OSBPL9: variants seen among roughly 807,000 people sequenced by gnomAD.
OSBPL9 encodes oxysterol-binding protein-related protein 9.
A neutral mutation model predicts 106.6 loss-of-function variants in OSBPL9; 40 were observed. The observed-to-expected ratio is 0.38, with a 90% CI of 0.29 to 0.49. OSBPL9 has a LOEUF of 0.49. Among genes scored for constraint, OSBPL9 ranks in the 20% least tolerant of loss-of-function variants. The pLI is 0.97. For synonymous variants in OSBPL9, 269 were observed against 295.4 expected, an observed-to-expected ratio of 0.91 and a Z score of 0.92; for missense variants, 609 against 887.2, an observed-to-expected ratio of 0.69 and a Z score of 3.98.
At chr1:51,666,632 T>C (rs545874131) in intron 2 of OSBPL9, among the ~76,000 whole-genome samples, 1 of 152,310 alleles carries the variant, frequency 6.6e-6, no homozygotes, top group East Asian at 1.9e-4. Context: ...GACTAGTTAA[T>C]GCTGCCAGCT....
the OSBPL9 span, chr1:51,519,135 G>A: frequency 2.5e-6 from 3 of 1,198,660 alleles, no homozygotes; most frequent in Admixed American, 3.1e-5. Flanking sequence ...AGTCGGCGAA[G>A]CTGAGGGCGG....
chr1:51,672,855 G>A (rs1045673939), intron 3 of OSBPL9, among the ~76,000 whole-genome samples: 1 of 152,178 alleles, frequency 6.6e-6, no homozygotes, highest in Non-Finnish European at 1.5e-5. Flanking sequence ...GGGCATCAGA[G>A]CTTAGCTTTG....
chr1:51,610,329 T>G (rs1419067732), intron 2 of OSBPL9, among the ~76,000 whole-genome samples: 1 of 152,066 alleles, frequency 6.6e-6, no homozygotes, highest in Non-Finnish European at 1.5e-5. Flanking sequence ...TGGCGCAATC[T>G]CTGCTCACTG....
At chr1:51,731,395 G>A (rs973780966) in intron 4 of OSBPL9, among the ~76,000 whole-genome samples, 2 of 152,130 alleles carry the variant, frequency 1.3e-5, no homozygotes, top group Non-Finnish European at 1.5e-5. Context: ...AGGTTGCGGT[G>A]AGCTATGATT....
At chr1:51,756,476 G>T in intron 9 of OSBPL9, 118 bp downstream of exon 9, 1 of 933,894 alleles carries the variant, frequency 1.1e-6, no homozygotes, top group Admixed American at 2.3e-5. Context: ...ACTGCTTTTT[G>T]TTGTTGACTC....
Position 51,729,253 on chromosome 1 carries a change from T to TC in OSBPL9, c.318+15176dup. 6.6e-6 allele frequency: 1 copy of TC among 152,374 alleles called. No homozygotes were observed. The highest frequency in any genetic ancestry group is 2.4e-5 in the African/African-American group (1 of 41,500). 9.4% of individuals were successfully genotyped at this position (152,374 alleles called of 1,614,324 possible). A position where few individuals can be genotyped will look rare whatever the true frequency, so the allele number is the denominator to read the frequency against. On this transcript the variant is annotated intron_variant, in intron 4 of 23. Transcript: ENST00000428468. This position sits in a 1 kb window ranked among gnomAD's most constrained non-coding sequence, Gnocchi z 5.1. ...ATATAGTATCTCCTCCTCCCCTCAC[T>TC]CCATCAACCCCCACGCGACACAACT...
chr1:51,641,778 G>A (rs1263165363), intron 1 of OSBPL9, among the ~76,000 whole-genome samples: 1 of 152,166 alleles, frequency 6.6e-6, no homozygotes, highest in Non-Finnish European at 1.5e-5. Flanking sequence ...CTTCCTGGGA[G>A]CACCGGGTCA....
chr1:51,760,334 A>G (rs1671221629), intron 9 of OSBPL9: 2 of 224,994 alleles, frequency 8.9e-6, no homozygotes, highest in South Asian at 1.2e-4. Flanking sequence ...ACCAAAAGTG[A>G]AAAAAACAGA....
chr1:51,645,117 G>A (rs1056338488), intron 1 of OSBPL9, among the ~76,000 whole-genome samples: 45 of 152,084 alleles, frequency 3.0e-4, no homozygotes, highest in African/African-American at 1.1e-3. Context: ...ACCAGATGCT[G>A]GTGCTTGGAT....
chr1:51,707,151 A>G, intron 3 of OSBPL9: 1 of 392,428 alleles, frequency 2.5e-6, no homozygotes, highest in Non-Finnish European at 5.2e-6. Flanking sequence ...CTTGGAGGCC[A>G]TGTGGACCAT....
the OSBPL9 span, among the ~76,000 whole-genome samples, chr1:51,568,556 CT>C: frequency 1.3e-5 from 2 of 151,904 alleles, no homozygotes; most frequent in African/African-American, 4.8e-5. Flanking sequence ...CTTTTCTTTT[CT>C]TTTTTTTGAG....
chr1:51,725,670 G>T (rs1211539390), intron 4 of OSBPL9, among the ~76,000 whole-genome samples: 1 of 152,162 alleles, frequency 6.6e-6, no homozygotes, highest in Non-Finnish European at 1.5e-5. Flanking sequence ...TAGGGCTAGA[G>T]AGGACTGAAG....
intron 4 of OSBPL9, chr1:51,740,128 T>G (rs1666574078): frequency 6.5e-7 from 1 of 1,549,348 alleles, no homozygotes; most frequent in Admixed American, 2.0e-5. Flanking sequence ...TCTCTTTTCC[T>G]TACTTTTATG....
upstream of OSBPL9, among the ~76,000 whole-genome samples, chr1:51,573,418 G>A (rs1013279323): frequency 4.9e-5 from 7 of 142,930 alleles, no homozygotes; most frequent in African/African-American, 1.8e-4. Context: ...TGAGGCAGGA[G>A]AATCACTTGA....
chr1:51,550,353 A>G, the OSBPL9 span, among the ~76,000 whole-genome samples: 3 of 152,278 alleles, frequency 2.0e-5, no homozygotes, highest in Admixed American at 1.3e-4. Context: ...ACAAAACAGC[A>G]GAAAAGCAAA....
chr1:51,657,436 C>T (rs1198470939), intron 2 of OSBPL9, among the ~76,000 whole-genome samples: 1 of 152,176 alleles, frequency 6.6e-6, no homozygotes, highest in Non-Finnish European at 1.5e-5. Flanking sequence ...GAGACTGAGA[C>T]ACAAACTACT....
intron 3 of OSBPL9, among the ~76,000 whole-genome samples, chr1:51,712,115 T>G (rs1345956861): frequency 3.3e-5 from 5 of 152,114 alleles, no homozygotes; most frequent in African/African-American, 4.8e-5. Flanking sequence ...CACTCCAGCC[T>G]GGGCACCATT....
At chr1:51,600,919 C>A (rs769742928) in intron 2 of OSBPL9, among the ~76,000 whole-genome samples, 1 of 152,204 alleles carries the variant, frequency 6.6e-6, no homozygotes, top group African/African-American at 2.4e-5. Context: ...TCAGGACATA[C>A]ATAATAGATA....
intron 1 of OSBPL9, among the ~76,000 whole-genome samples, chr1:51,623,026 G>A (rs563572712): frequency 6.6e-6 from 1 of 152,314 alleles, no homozygotes; most frequent in African/African-American, 2.4e-5. Context: ...TGGCAGTCAT[G>A]GATGGCAAGG....
Sources: allele counts gnomAD v4.1 joint callset (sites outside exome capture counted in the v4.1 genomes callset), GRCh38; gene constraint gnomAD v4.1.1; non-coding constraint Gnocchi (gnomAD v3.1); transcripts MANE v1.5; gene names NCBI Gene and HGNC (gene_info 2026-07-23, HGNC 2026-07-21).